Variants in KCNJ6 observed in about 807,000 individuals in gnomAD.
The protein encoded by KCNJ6 is G protein-activated inward rectifier potassium channel 2.
KCNJ6 carries 9 observed loss-of-function variants against 34.2 expected under a neutral mutation model. The observed-to-expected ratio is 0.26, with a 90% CI of 0.16 to 0.46. The LOEUF is 0.46. Ranked by LOEUF, KCNJ6 falls within the 20% of genes least tolerant of loss-of-function variation. The probability of loss-of-function intolerance (pLI) is 1.00; values close to 1 mark genes in which losing one functional copy is unlikely to be tolerated. For missense variants in KCNJ6, 236 were observed against 531.3 expected (o/e 0.44, Z 5.46); for synonymous variants, 196 against 207.1 (o/e 0.95, Z 0.46).
chr21:37,820,426 C>G (rs73206087), intron 2 of KCNJ6, among the ~76,000 whole-genome samples: 1,598 of 152,318 alleles, frequency 0.01, 10 homozygotes, highest in Non-Finnish European at 0.017. Flanking sequence ...TGGAGTTAGA[C>G]TTCACAGATT....
At chr21:37,701,652 T>A (rs1470658328) in intron 3 of KCNJ6, among the ~76,000 whole-genome samples, 1 of 152,164 alleles carries the variant, frequency 6.6e-6, no homozygotes, top group Non-Finnish European at 1.5e-5. Flanking sequence ...TGACATAATG[T>A]CAGCTGGCCA....
At chr21:37,797,504 T>C (rs1172767637) in intron 2 of KCNJ6, among the ~76,000 whole-genome samples, 2 of 152,224 alleles carry the variant, frequency 1.3e-5, no homozygotes, top group African/African-American at 4.8e-5. Flanking sequence ...AGTCTATCTT[T>C]ATACGGCTGT....
intron 3 of KCNJ6, among the ~76,000 whole-genome samples, chr21:37,711,686 T>A (rs1291064480): frequency 1.3e-5 from 2 of 152,152 alleles, no homozygotes; most frequent in African/African-American, 4.8e-5. Context: ...AGAAACAGTA[T>A]CCTGCTGAAG....
intron 2 of KCNJ6, among the ~76,000 whole-genome samples, chr21:37,812,876 A>C (rs968511778): frequency 6.6e-6 from 1 of 152,242 alleles, no homozygotes; most frequent in Admixed American, 6.5e-5. Context: ...GCCCACTTTC[A>C]CCAATTTTAT....
At chr21:37,690,902 C>T (rs1345535902) in intron 3 of KCNJ6, among the ~76,000 whole-genome samples, 1 of 151,610 alleles carries the variant, frequency 6.6e-6, no homozygotes, top group Non-Finnish European at 1.5e-5. Context: ...CTTCCTCAGT[C>T]TCCTGAGTAG....
chr21:37,813,375 A>G (rs1264883386), intron 2 of KCNJ6, among the ~76,000 whole-genome samples: 1 of 152,224 alleles, frequency 6.6e-6, no homozygotes, highest in African/African-American at 2.4e-5. Context: ...CAAAATACCA[A>G]TGACATTCTT....
intron 2 of KCNJ6, among the ~76,000 whole-genome samples, chr21:37,747,169 G>A (rs1438858101): frequency 6.6e-6 from 1 of 152,214 alleles, no homozygotes; most frequent in Non-Finnish European, 1.5e-5. Flanking sequence ...AAAGACACAA[G>A]TGTAGGAAGG....
chr21:37,828,581 G>A (rs1011279341), intron 2 of KCNJ6, among the ~76,000 whole-genome samples: 3 of 152,220 alleles, frequency 2.0e-5, no homozygotes, highest in Non-Finnish European at 4.4e-5. Context: ...CGGGCTGCAT[G>A]AGGTGAAAAG....
intron 2 of KCNJ6, among the ~76,000 whole-genome samples, chr21:37,716,027 T>G (rs1000900008): frequency 1.3e-5 from 2 of 152,244 alleles, no homozygotes; most frequent in Non-Finnish European, 2.9e-5. Flanking sequence ...GTTATAAGGT[T>G]AAACAAAACC....
chr21:37,691,322 C>T (rs2054638747), intron 3 of KCNJ6, among the ~76,000 whole-genome samples: 1 of 152,186 alleles, frequency 6.6e-6, no homozygotes. Context: ...ATTTACTAGA[C>T]TGGAAGTGAG....
intron 2 of KCNJ6, among the ~76,000 whole-genome samples, chr21:37,786,440 T>C (rs1276843379): frequency 1.3e-5 from 2 of 152,196 alleles, no homozygotes; most frequent in Admixed American, 1.3e-4. Flanking sequence ...ACAAATTCCA[T>C]GAATGTGGCT....
intron 1 of KCNJ6, among the ~76,000 whole-genome samples, chr21:37,855,987 G>C (rs1053215913): frequency 6.6e-6 from 1 of 152,222 alleles, no homozygotes; most frequent in African/African-American, 2.4e-5. Flanking sequence ...GCAGGGGAGA[G>C]GGGGTGGAAG....
intron 2 of KCNJ6, among the ~76,000 whole-genome samples, chr21:37,821,316 C>T (rs2123554037): frequency 6.6e-6 from 1 of 152,312 alleles, no homozygotes; most frequent in East Asian, 1.9e-4. Context: ...CCATTTTCAA[C>T]AACCCAAAAG....
intron 2 of KCNJ6, among the ~76,000 whole-genome samples, chr21:37,819,061 C>T (rs919772491): frequency 2.0e-5 from 3 of 152,134 alleles, no homozygotes; most frequent in Non-Finnish European, 4.4e-5. Flanking sequence ...GTCTGGATAT[C>T]GTAATAGTTT....
chr21:37,820,092 C>A (rs1474296036), intron 2 of KCNJ6, among the ~76,000 whole-genome samples: 1 of 152,052 alleles, frequency 6.6e-6, no homozygotes, highest in Non-Finnish European at 1.5e-5. Flanking sequence ...CTGGCCCACT[C>A]TTTTAAATTG....
chr21:37,816,712 G>A (rs994146488), intron 2 of KCNJ6, among the ~76,000 whole-genome samples: 5 of 152,152 alleles, frequency 3.3e-5, no homozygotes, highest in African/African-American at 9.7e-5. Flanking sequence ...GAGACGTGCC[G>A]CCTCTGCTGA....
Position 37,741,668 on chromosome 21 carries a change from G to A in KCNJ6, c.26-26537C>T, listed in dbSNP as rs145131352. 3.1e-4 allele frequency among the ~76,000 whole-genome samples: 47 copies of A among 152,228 alleles called. No homozygotes were observed. In the East Asian group the frequency reaches 8.9e-3, roughly 29 times the overall value. The stretch of plus-strand genomic sequence containing the variant: ...ATGATTGTTCCTTCTTTTCTGCAAG[G>A]CCCCAGCTCAGACCTTTTCCATGTG... On this transcript the variant is annotated intron_variant, in intron 2 of 3. Transcript: ENST00000609713.
intron 3 of KCNJ6, among the ~76,000 whole-genome samples, chr21:37,656,001 G>T (rs529347812): frequency 4.6e-5 from 7 of 152,322 alleles, no homozygotes; most frequent in Admixed American, 2.0e-4. Context: ...TGGCCCATGG[G>T]GGGGCCTTCC....
intron 2 of KCNJ6, among the ~76,000 whole-genome samples, chr21:37,837,108 A>G (rs2123574431): frequency 6.6e-6 from 1 of 151,784 alleles, no homozygotes; most frequent in South Asian, 2.1e-4. Flanking sequence ...GGCTTTCATC[A>G]TATACCGTAC....
Sources: gnomAD v4.1 joint callset for allele counts (sites outside exome capture counted in the v4.1 genomes callset) on GRCh38, gnomAD v4.1.1 for gene constraint, MANE v1.5 for transcripts, NCBI Gene and HGNC (gene_info 2026-07-23, HGNC 2026-07-21) for gene names.